Variants in RBMS1 observed in about 807,000 individuals in gnomAD.
The protein encoded by RBMS1 is RNA-binding motif, single-stranded-interacting protein 1.
In RBMS1, 17 loss-of-function variants were observed where a neutral mutation model predicts 62.3. The ratio of observed to expected loss-of-function variants is 0.27; its 90% confidence interval spans 0.19 to 0.41. The LOEUF (loss-of-function observed/expected upper bound fraction) is 0.41. Among genes scored for constraint, RBMS1 ranks in the 10% least tolerant of loss-of-function variants. The pLI is 1.00. For synonymous variants in RBMS1, 172 were observed against 170.0 expected (o/e 1.01, Z -0.09); for missense variants, 334 against 504.5 (o/e 0.66, Z 3.24).
chr2:160,332,441 A>C (rs1173494108), intron 2 of RBMS1, among the ~76,000 whole-genome samples: 1 of 152,184 alleles, frequency 6.6e-6, no homozygotes, highest in Non-Finnish European at 1.5e-5. Flanking sequence ...AGAAAAAAAA[A>C]ATCAAACAAC....
At chr2:160,388,428 G>T (rs868331167) in intron 1 of RBMS1, among the ~76,000 whole-genome samples, 3 of 152,058 alleles carry the variant, frequency 2.0e-5, no homozygotes, top group African/African-American at 7.2e-5. Flanking sequence ...GTACGGTGAG[G>T]GGTAAAACCA....
chr2:160,478,307 A>T (rs1207709561), intron 1 of RBMS1, among the ~76,000 whole-genome samples: 1 of 152,218 alleles, frequency 6.6e-6, no homozygotes, highest in Non-Finnish European at 1.5e-5. Context: ...ACCACGGTGA[A>T]GGACGCTTAA....
At chr2:160,468,383 C>A (rs73008337) in intron 1 of RBMS1, among the ~76,000 whole-genome samples, 4,633 of 152,222 alleles carry the variant, frequency 0.03, 213 homozygotes, top group African/African-American at 0.1. Context: ...GGACTGTTTG[C>A]CAACATGGTT....
chr2:160,322,438 A>G (rs996254779), intron 2 of RBMS1, among the ~76,000 whole-genome samples: 3 of 152,224 alleles, frequency 2.0e-5, no homozygotes, highest in African/African-American at 7.2e-5. Context: ...TGAAAGAGGG[A>G]TAACAAGACA....
At chr2:160,318,839 A>G (rs1690381996) in intron 2 of RBMS1, among the ~76,000 whole-genome samples, 1 of 152,212 alleles carries the variant, frequency 6.6e-6, no homozygotes, top group African/African-American at 2.4e-5. Context: ...ACCACTTGTA[A>G]CTCAGTAATA....
rs780429224 is a variant in RBMS1, at chr2:160,313,145, T to A, written c.402+11A>T. The A allele has an allele frequency of 1.1e-5, 17 of 1,612,136 alleles. No homozygotes were observed. In the East Asian group the frequency reaches 2.9e-4, roughly 28 times the overall value. On this transcript the variant is annotated intron_variant, in intron 4 of 13. Transcript: ENST00000348849. ...GTGGAACAGAGAAGCAATTGCTGGCTCTCAACTCACCTTTGCCATTTGAGC... is the reference window on the plus strand; with the variant it reads ...GTGGAACAGAGAAGCAATTGCTGGCACTCAACTCACCTTTGCCATTTGAGC...
intron 9 of RBMS1, chr2:160,282,173 AT>A: frequency 8.2e-7 from 1 of 1,216,564 alleles, no homozygotes; most frequent in Non-Finnish European, 1.1e-6. Context: ...ACCCTCCTGC[AT>A]TTTATCCCCT....
At chr2:160,324,878 G>GTA (rs144023677) in intron 2 of RBMS1, among the ~76,000 whole-genome samples, 23,024 of 75,036 alleles carry the variant, frequency 0.31, 2,858 homozygotes, top group Admixed American at 0.5. Context: ...GTGTGTGTGT[G>GTA]TGTGTATATA....
At chr2:160,352,451 T>G (rs1300191982) in intron 2 of RBMS1, among the ~76,000 whole-genome samples, 1 of 152,158 alleles carries the variant, frequency 6.6e-6, no homozygotes, top group African/African-American at 2.4e-5. Context: ...TATTTTGTAT[T>G]TAAAGACTTC....
At chr2:160,422,798 C>T (rs1462457033) in intron 1 of RBMS1, among the ~76,000 whole-genome samples, 1 of 152,146 alleles carries the variant, frequency 6.6e-6, no homozygotes, top group African/African-American at 2.4e-5. Context: ...TTACTCACAA[C>T]CTCCCAGGCA....
chr2:160,285,609 A>G (rs2105935546), intron 7 of RBMS1, among the ~76,000 whole-genome samples: 1 of 152,126 alleles, frequency 6.6e-6, no homozygotes, highest in South Asian at 2.1e-4. Flanking sequence ...TGGACGTCCA[A>G]CATTTTATTA....
At chr2:160,439,210 C>G (rs1683278104) in intron 1 of RBMS1, among the ~76,000 whole-genome samples, 1 of 151,834 alleles carries the variant, frequency 6.6e-6, no homozygotes, top group Admixed American at 6.5e-5. Context: ...CCCCACCTCC[C>G]TCTCGGACGA....
At chr2:160,348,074 A>C (rs1692285290) in intron 2 of RBMS1, among the ~76,000 whole-genome samples, 1 of 152,076 alleles carries the variant, frequency 6.6e-6, no homozygotes, top group South Asian at 2.1e-4. Context: ...TACCGGAAAA[A>C]GTTTTCCTAA....
chr2:160,311,224 C>CTATATCTATATATATCTATATATATCTA (rs1553505400), intron 4 of RBMS1, among the ~76,000 whole-genome samples: 1 of 56,634 alleles, frequency 1.8e-5, no homozygotes, highest in African/African-American at 6.2e-5. Flanking sequence ...ATCTATCTAT[C>CTATATCTATATATATCTATATATATCTA]TATCTATCTA....
At chr2:160,428,117 G>C (rs560578454) in intron 1 of RBMS1, among the ~76,000 whole-genome samples, 1 of 151,924 alleles carries the variant, frequency 6.6e-6, no homozygotes, top group South Asian at 2.1e-4. Context: ...TTAATCACCA[G>C]TTTGTTTATA....
At chr2:160,404,565 G>A (rs535865930) in intron 1 of RBMS1, among the ~76,000 whole-genome samples, 36 of 152,234 alleles carry the variant, frequency 2.4e-4, no homozygotes, top group African/African-American at 6.3e-4. Flanking sequence ...TAAAGAATAC[G>A]AGAAGATGTA....
At position 160,284,886 on chromosome 2, in the gene RBMS1, G is replaced by A. The variant is rs756396276; in HGVS notation, c.807-18C>T. ...GATAAAATCTAGAACAAACACAAAA[G>A]CCTTTATTAAGTAATCCTTTAAATA... On this transcript the variant is annotated intron_variant, in intron 8 of 13. Transcript: ENST00000348849. 2.0e-5 allele frequency: 31 copies of A among 1,579,152 alleles called. No individual in the cohort carries two copies. The highest frequency in any genetic ancestry group is 2.3e-5 in the Non-Finnish European group (27 of 1,150,158).
At chr2:160,438,532 C>G (rs1309319023) in intron 1 of RBMS1, among the ~76,000 whole-genome samples, 1 of 152,090 alleles carries the variant, frequency 6.6e-6, no homozygotes, top group Non-Finnish European at 1.5e-5. Flanking sequence ...TCCATTCAAC[C>G]CTGAGTGGAC....
At chr2:160,407,009 CACAG>C (rs1421256324) in intron 1 of RBMS1, among the ~76,000 whole-genome samples, 1 of 150,698 alleles carries the variant, frequency 6.6e-6, no homozygotes, top group Non-Finnish European at 1.5e-5. Flanking sequence ...CGCGCGAACA[CACAG>C]ACACACACAG....
Sources: allele counts gnomAD v4.1 joint callset (sites outside exome capture counted in the v4.1 genomes callset), GRCh38; gene constraint gnomAD v4.1.1; transcripts MANE v1.5; gene names NCBI Gene and HGNC (gene_info 2026-07-23, HGNC 2026-07-21).